The following SHISA9 variants were observed in gnomAD, a reference collection of about 807,000 sequenced individuals.
The protein encoded by SHISA9 is shisa family member 9, also known as protein shisa-9.
SHISA9 carries 13 observed loss-of-function variants against 38.0 expected under a neutral mutation model. The ratio of observed to expected loss-of-function variants is 0.34; its 90% CI spans 0.22 to 0.54. The LOEUF is 0.54. Among genes scored for constraint, SHISA9 ranks in the 20% least tolerant of loss-of-function variants. The pLI, the probability that SHISA9 is intolerant of heterozygous loss-of-function variation, is 0.91. For missense variants in SHISA9, 538 were observed against 575.8 expected, an observed-to-expected ratio of 0.93 and a Z score of 0.67; for synonymous variants, 275 against 242.0, an observed-to-expected ratio of 1.14 and a Z score of -1.27.
chr16:13,204,166 C>CTATT (rs375021849), intron 3 of SHISA9, among the ~76,000 whole-genome samples: 1 of 146,338 alleles, frequency 6.8e-6, no homozygotes, highest in Non-Finnish European at 1.5e-5. Flanking sequence ...ATCTATCTAT[C>CTATT]TATTTATCTA....
At chr16:13,084,727 G>T (rs979344619) in intron 2 of SHISA9, among the ~76,000 whole-genome samples, 10 of 105,922 alleles carry the variant, frequency 9.4e-5, no homozygotes, top group African/African-American at 3.8e-4. Context: ...GGGCCAGAAA[G>T]CTTTTCTCTT....
rs35901561 is a variant in SHISA9, at chr16:12,980,572, GTT to G, written c.691+63767_691+63768del. On this transcript the variant is annotated intron_variant, in intron 2 of 4. Coordinates refer to ENST00000558583, the MANE Select transcript of SHISA9 (RefSeq NM_001145204.3). Reference sequence around the variant, plus strand: ...TTTTCACTACAATGTGTCTAAATATGTTTTTTTTTTTAATTTCTCTTTTGGAA... The same window carrying G: ...TTTTCACTACAATGTGTCTAAATATGTTTTTTTTTAATTTCTCTTTTGGAA... Among the ~76,000 whole-genome samples the G allele has an allele frequency of 6.5e-3, 932 of 144,002 alleles. 11 individuals carry two copies. Among genetic ancestry groups the G allele is most frequent in the African/African-American group, 0.022 (884 of 39,542 alleles). The allele number at this position is 144,002 out of a possible 152,430, so 94.5% of individuals were successfully genotyped here. A position where few individuals can be genotyped will look rare whatever the true frequency, so the allele number is the denominator to read the frequency against.
the SHISA9 span, chr16:13,258,541 T>C: frequency 6.6e-6 from 1 of 152,194 alleles, no homozygotes; most frequent in Admixed American, 6.5e-5. Flanking sequence ...GAAATAGGGA[T>C]GCAATGGTGT....
chr16:13,205,965 C>T (rs1019352219), intron 3 of SHISA9, among the ~76,000 whole-genome samples: 2 of 151,150 alleles, frequency 1.3e-5, no homozygotes, highest in African/African-American at 4.9e-5. Context: ...TGGGTTTCTC[C>T]ATGTTGCTCA....
intron 2 of SHISA9, among the ~76,000 whole-genome samples, chr16:12,995,332 T>G (rs1158496477): frequency 6.6e-6 from 1 of 152,234 alleles, no homozygotes; most frequent in African/African-American, 2.4e-5. Flanking sequence ...ATTCATTCTT[T>G]TTAGCTATTT....
the SHISA9 span, among the ~76,000 whole-genome samples, chr16:13,389,473 A>T: frequency 6.6e-6 from 1 of 152,192 alleles, no homozygotes; most frequent in Non-Finnish European, 1.5e-5. Context: ...GTACATGTGT[A>T]TCAAAATATT....
intron 2 of SHISA9, among the ~76,000 whole-genome samples, chr16:12,971,651 GC>G (rs1293197037): frequency 1.3e-5 from 2 of 151,938 alleles, no homozygotes; most frequent in Non-Finnish European, 1.5e-5. Flanking sequence ...AGGAGCAGGG[GC>G]TGTAGGAACG....
At chr16:12,944,339 A>G (rs4781355) in intron 2 of SHISA9, among the ~76,000 whole-genome samples, 48,789 of 152,036 alleles carry the variant, frequency 0.32, 8,080 homozygotes, top group Middle Eastern at 0.43. Context: ...ATTTCTTTCT[A>G]GAAGAAACCT....
chr16:13,021,361 T>C (rs2072851802), intron 2 of SHISA9, among the ~76,000 whole-genome samples: 1 of 152,060 alleles, frequency 6.6e-6, no homozygotes, highest in Non-Finnish European at 1.5e-5. Context: ...ATCCAAACGG[T>C]AGTGCTGAGG....
chr16:13,099,073 C>A (rs997627537), intron 2 of SHISA9, among the ~76,000 whole-genome samples: 1 of 152,270 alleles, frequency 6.6e-6, no homozygotes, highest in Admixed American at 6.5e-5. Context: ...AAGCTATGGC[C>A]TTCAGGCCAA....
At chr16:13,046,070 G>A (rs1173202356) in intron 2 of SHISA9, among the ~76,000 whole-genome samples, 1 of 152,188 alleles carries the variant, frequency 6.6e-6, no homozygotes, top group Non-Finnish European at 1.5e-5. Context: ...GCATCACTGA[G>A]GGTCTGTGGT....
intron 2 of SHISA9, among the ~76,000 whole-genome samples, chr16:13,098,691 C>T (rs1567211588): frequency 2.0e-5 from 3 of 152,200 alleles, no homozygotes; most frequent in African/African-American, 7.2e-5. Context: ...CCTTAAGGAG[C>T]AACTGCAGGC....
intron 1 of SHISA9, chr16:12,908,653 A>G: frequency 1.3e-6 from 2 of 1,548,182 alleles, no homozygotes; most frequent in Non-Finnish European, 1.7e-6. Context: ...GACTTCTCAG[A>G]TCACAGAGAA....
chr16:13,208,673 T>A (rs891415936), intron 3 of SHISA9, among the ~76,000 whole-genome samples: 2 of 152,158 alleles, frequency 1.3e-5, no homozygotes, highest in Non-Finnish European at 2.9e-5. Context: ...ACTGGGGAAT[T>A]GTTAGTGGCT....
At chr16:13,000,650 G>A (rs555464160) in intron 2 of SHISA9, among the ~76,000 whole-genome samples, 40 of 152,188 alleles carry the variant, frequency 2.6e-4, no homozygotes, top group Admixed American at 9.2e-4. Context: ...CCAGGAGCCT[G>A]ATGGGGCACT....
the SHISA9 span, among the ~76,000 whole-genome samples, chr16:13,494,928 C>A: frequency 6.6e-6 from 1 of 152,158 alleles, no homozygotes; most frequent in Non-Finnish European, 1.5e-5. Context: ...ATGCAACACC[C>A]TGCATGAATG....
At chr16:12,952,136 C>A (rs996178517) in intron 2 of SHISA9, among the ~76,000 whole-genome samples, 1 of 152,188 alleles carries the variant, frequency 6.6e-6, no homozygotes, top group Non-Finnish European at 1.5e-5. Context: ...GAGCAATTAA[C>A]ATATAATGCC....
intron 2 of SHISA9, among the ~76,000 whole-genome samples, chr16:13,103,690 G>C (rs1233352581): frequency 2.0e-5 from 3 of 152,366 alleles, no homozygotes; most frequent in East Asian, 3.9e-4. Context: ...TCTTCTGTCT[G>C]ATAATTCTTG....
chr16:13,000,798 C>G (rs1014329887), intron 2 of SHISA9, among the ~76,000 whole-genome samples: 8 of 152,216 alleles, frequency 5.3e-5, no homozygotes, highest in Non-Finnish European at 7.3e-5. Context: ...GGCATTTAAA[C>G]TCAGACACTT....
Sources: gnomAD v4.1 joint callset for allele counts (sites outside exome capture counted in the v4.1 genomes callset) on GRCh38, gnomAD v4.1.1 for gene constraint, MANE v1.5 for transcripts, NCBI Gene and HGNC (gene_info 2026-07-23, HGNC 2026-07-21) for gene names.